The following KIAA0319L variants were observed in gnomAD, a reference collection of about 807,000 sequenced individuals.
KIAA0319L encodes the protein dyslexia-associated protein KIAA0319-like protein.
A neutral mutation model predicts 120.1 loss-of-function variants in KIAA0319L; 55 were observed. That is an observed-to-expected ratio of 0.46 (90% confidence interval 0.37 to 0.57). The LOEUF (loss-of-function observed/expected upper bound fraction) is 0.57. KIAA0319L is among the 20% of genes least tolerant of loss of function. The pLI is 0.00. For synonymous variants in KIAA0319L, 398 were observed against 471.9 expected (o/e 0.84, Z 2.03); for missense variants, 1,049 against 1,255.3 (o/e 0.84, Z 2.48).
Position 35,434,774 on chromosome 1 carries a change from G to T in KIAA0319L, c.*120C>A. ...GATTCAAGTCCCAGGGGTTCTGGTT[G>T]GGACTGTCAGGGCGAAATGACCAGC... is the stretch of plus-strand genomic sequence containing the variant. On this transcript the variant is annotated 3_prime_UTR_variant, in exon 21 of 21. Transcript: ENST00000325722. 2 of 791,470 alleles carry T rather than the reference G, an allele frequency of 2.5e-6. No homozygotes were observed. Among genetic ancestry groups the T allele is most frequent in the Non-Finnish European group, 4.0e-6 (2 of 502,150 alleles). 49.0% of individuals were successfully genotyped at this position (791,470 alleles called of 1,614,324 possible). A position where few individuals can be genotyped will look rare whatever the true frequency, so the allele number is the denominator to read the frequency against.
At chr1:35,513,346 GGC>G (rs1645552974) in intron 2 of KIAA0319L, among the ~76,000 whole-genome samples, 1 of 130,716 alleles carries the variant, frequency 7.7e-6, no homozygotes, top group South Asian at 2.3e-4. Context: ...TGCACATGAT[GGC>G]TCACTCCCAT....
intron 3 of KIAA0319L, among the ~76,000 whole-genome samples, chr1:35,481,593 C>T (rs1241620854): frequency 6.6e-6 from 1 of 151,886 alleles, no homozygotes; most frequent in Non-Finnish European, 1.5e-5. Context: ...TAAAGTTTAT[C>T]CAAATTTTTA....
At chr1:35,509,197 T>G (rs762678789) in intron 2 of KIAA0319L, among the ~76,000 whole-genome samples, 16 of 152,036 alleles carry the variant, frequency 1.1e-4, no homozygotes, top group Admixed American at 2.0e-4. Flanking sequence ...GTTAGAATGT[T>G]TAAACAAAGT....
chr1:35,442,854 G>GAACC, intron 18 of KIAA0319L, 52 bp downstream of exon 18: 1 of 1,612,622 alleles, frequency 6.2e-7, no homozygotes, highest in Non-Finnish European at 8.5e-7. Context: ...ACTCAGTGCA[G>GAACC]AACCACATTC....
chr1:35,444,744 G>A (rs1339677112), intron 16 of KIAA0319L, among the ~76,000 whole-genome samples: 1 of 152,218 alleles, frequency 6.6e-6, no homozygotes, highest in Non-Finnish European at 1.5e-5. Context: ...TGCTGGGTTT[G>A]TGACTAGTTT....
chr1:35,474,242 G>A (rs570336878), intron 5 of KIAA0319L, among the ~76,000 whole-genome samples: 108 of 152,222 alleles, frequency 7.1e-4, no homozygotes, highest in Middle Eastern at 3.4e-3. Context: ...TTGATGTCAC[G>A]CTTGGGTTCA....
intron 3 of KIAA0319L, among the ~76,000 whole-genome samples, chr1:35,503,419 T>C (rs1308217524): frequency 6.6e-6 from 1 of 152,178 alleles, no homozygotes; most frequent in African/African-American, 2.4e-5. Context: ...TTTCTGGAAA[T>C]GCAAATTCTC....
Position 35,506,954 on chromosome 1 carries a change from T to A in KIAA0319L, c.324A>T (p.Ala108=), listed in dbSNP as rs781752893. 46 of 1,613,714 alleles carry A rather than the reference T, an allele frequency of 2.9e-5. No individual in the cohort carries two copies. The highest frequency in any genetic ancestry group is 3.3e-4 in the Middle Eastern group (2 of 6,084). Reference sequence around the variant, plus strand: ...GGCAGCTCTGGGGCCTGCTGCAGTCTGCCTGAATGCACATCCCTTCTAGCC... The same window carrying A: ...GGCAGCTCTGGGGCCTGCTGCAGTCAGCCTGAATGCACATCCCTTCTAGCC... ...FWWLEGMCIQ[A]DCSRPQSCRA... The change falls in exon 3 of 21, where the codon GCA becomes GCT. Residue 108 remains alanine, a synonymous_variant. Transcript: ENST00000325722. This position sits in a 1 kb window ranked among gnomAD's most constrained non-coding sequence, Gnocchi z 4.0.
At chr1:35,487,866 CCT>C (rs1179229244) in intron 3 of KIAA0319L, among the ~76,000 whole-genome samples, 5 of 152,178 alleles carry the variant, frequency 3.3e-5, no homozygotes, top group African/African-American at 9.7e-5. Flanking sequence ...TTTCAGCAGG[CCT>C]CATGGAGTCT....
chr1:35,493,659 C>T (rs1381419473), intron 3 of KIAA0319L, among the ~76,000 whole-genome samples: 1 of 151,644 alleles, frequency 6.6e-6, no homozygotes, highest in Non-Finnish European at 1.5e-5. Flanking sequence ...TGGAGACCAG[C>T]CTGGGCAACA....
chr1:35,443,760 G>C (rs1641406646), intron 17 of KIAA0319L, among the ~76,000 whole-genome samples: 1 of 152,020 alleles, frequency 6.6e-6, no homozygotes, highest in Non-Finnish European at 1.5e-5. Flanking sequence ...TAATTTTGAA[G>C]TAGTGATAAG....
intron 2 of KIAA0319L, among the ~76,000 whole-genome samples, chr1:35,529,747 T>C (rs1055982540): frequency 3.3e-5 from 5 of 152,232 alleles, no homozygotes; most frequent in Non-Finnish European, 2.9e-5. Context: ...ATTCTTTTTG[T>C]CTTTACTTCT....
chr1:35,535,222 C>G (rs940104104), intron 2 of KIAA0319L, among the ~76,000 whole-genome samples: 10 of 150,470 alleles, frequency 6.6e-5, no homozygotes, highest in Non-Finnish European at 1.2e-4. Context: ...CTACTTGAAA[C>G]AGAATACTTA....
chr1:35,541,921 A>C (rs1646809463), intron 2 of KIAA0319L, among the ~76,000 whole-genome samples: 1 of 152,198 alleles, frequency 6.6e-6, no homozygotes, highest in Non-Finnish European at 1.5e-5. Context: ...AATCACGGAA[A>C]ATGCACAATA....
At chr1:35,539,215 A>G (rs551896840) in intron 2 of KIAA0319L, among the ~76,000 whole-genome samples, 2 of 152,202 alleles carry the variant, frequency 1.3e-5, no homozygotes, top group Non-Finnish European at 2.9e-5. Context: ...CATGAAATAC[A>G]AAAGAGTGGA....
intron 2 of KIAA0319L, among the ~76,000 whole-genome samples, chr1:35,541,349 C>CTTT (rs528087751): frequency 2.8e-4 from 36 of 127,506 alleles, no homozygotes; most frequent in Non-Finnish European, 3.7e-4. Flanking sequence ...TTTTTTTTTC[C>CTTT]TTTTTTTTTT....
rs1301336605 is a variant in KIAA0319L at position 35,453,154 on chromosome 1, T to C, written c.1913+403A>G. ...GAGTAATGCTTTCATTTTATGGATG[T>C]ATTTTCAATTTCTCTTAATAGCTGC... is the stretch of plus-strand genomic sequence containing the variant. On this transcript the variant is annotated intron_variant, in intron 12 of 20. Transcript: ENST00000325722. The surrounding 1 kb of genome is among the most constrained non-coding windows in gnomAD (Gnocchi z 4.1). 6.6e-6 allele frequency among the ~76,000 whole-genome samples: 1 copy of C among 152,244 alleles called. No homozygotes were observed. The highest frequency in any genetic ancestry group is 1.5e-5 in the Non-Finnish European group (1 of 68,050).
intron 3 of KIAA0319L, among the ~76,000 whole-genome samples, chr1:35,502,026 C>A (rs1200129358): frequency 2.0e-5 from 3 of 151,462 alleles, no homozygotes; most frequent in Non-Finnish European, 2.9e-5. Flanking sequence ...TGCCTGTAGT[C>A]CCAGCACTTT....
intron 1 of KIAA0319L, 113 bp from the exon 2 acceptor site, chr1:35,554,632 G>T: frequency 1.5e-6 from 1 of 679,926 alleles, no homozygotes; most frequent in Non-Finnish European, 2.3e-6. Flanking sequence ...TTTCAAGTTT[G>T]TCTTTAACGG....
Sources: allele counts gnomAD v4.1 joint callset (sites outside exome capture counted in the v4.1 genomes callset), GRCh38; gene constraint gnomAD v4.1.1; non-coding constraint Gnocchi (gnomAD v3.1); transcripts MANE v1.5; gene names NCBI Gene and HGNC (gene_info 2026-07-23, HGNC 2026-07-21).